The following DGKD variants were observed in gnomAD, a reference collection of about 807,000 sequenced individuals.
DGKD encodes diacylglycerol kinase delta, also known as DAG kinase delta.
Under a neutral mutation model 154.4 loss-of-function variants are expected in DGKD, and 68 were observed. That is an observed-to-expected ratio of 0.44 (90% CI 0.36 to 0.54). The LOEUF (loss-of-function observed/expected upper bound fraction) is 0.54, where lower values mean the gene tolerates loss of function less well. DGKD is among the 20% of genes least tolerant of loss of function. DGKD has a pLI of 0.00. For synonymous variants in DGKD, 693 were observed against 638.0 expected, an observed-to-expected ratio of 1.09 and a Z score of -1.30; for missense variants, 1,343 against 1,593.6, an observed-to-expected ratio of 0.84 and a Z score of 2.68.
intron 27 of DGKD, among the ~76,000 whole-genome samples, chr2:233,466,853 G>A (rs1254896502): frequency 6.6e-6 from 1 of 152,232 alleles, no homozygotes; most frequent in East Asian, 1.9e-4. Flanking sequence ...GAAGGAAGTA[G>A]AATATGATAA....
chr2:233,370,577 T>TGTTTTTG (rs1559476896), intron 1 of DGKD, among the ~76,000 whole-genome samples: 2 of 146,004 alleles, frequency 1.4e-5, no homozygotes, highest in African/African-American at 5.5e-5. Context: ...CTTCTTTTTT[T>TGTTTTTG]TTTTTTTTTT....
At chr2:233,430,011 C>A (rs1030377801) in intron 3 of DGKD, among the ~76,000 whole-genome samples, 3 of 152,170 alleles carry the variant, frequency 2.0e-5, no homozygotes, top group African/African-American at 7.2e-5. Context: ...TTGGGTATTC[C>A]TAAATTGGGT....
intron 3 of DGKD, among the ~76,000 whole-genome samples, chr2:233,394,095 G>A (rs547856959): frequency 1.3e-4 from 20 of 152,242 alleles, no homozygotes; most frequent in Non-Finnish European, 2.6e-4. Context: ...TCTCTTTCAG[G>A]CCAGTTACGT....
At chr2:233,424,546 T>C (rs887565887) in intron 3 of DGKD, among the ~76,000 whole-genome samples, 26 of 152,232 alleles carry the variant, frequency 1.7e-4, no homozygotes, top group Non-Finnish European at 2.6e-4. Context: ...ACACCGCTTG[T>C]ACTGAGTGAG....
chr2:233,376,942 C>T (rs1444460381), intron 1 of DGKD, among the ~76,000 whole-genome samples: 1 of 151,952 alleles, frequency 6.6e-6, no homozygotes, highest in African/African-American at 2.4e-5. Context: ...TAGAGGTAAC[C>T]ACTTAACCAT....
At chr2:233,398,434 C>T (rs1012707077) in intron 3 of DGKD, among the ~76,000 whole-genome samples, 47 of 152,188 alleles carry the variant, frequency 3.1e-4, no homozygotes, top group Non-Finnish European at 3.8e-4. Flanking sequence ...TGTGAGCCAC[C>T]GCGCCCGGCC....
At chr2:233,378,972 G>C (rs907151620) in intron 1 of DGKD, among the ~76,000 whole-genome samples, 1 of 152,204 alleles carries the variant, frequency 6.6e-6, no homozygotes, top group Non-Finnish European at 1.5e-5. Flanking sequence ...TCAAGGCTGC[G>C]GTGAGCTGTG....
chr2:233,429,885 G>C (rs551166066), intron 3 of DGKD, among the ~76,000 whole-genome samples: 1 of 152,368 alleles, frequency 6.6e-6, no homozygotes, highest in South Asian at 2.1e-4. Context: ...GAACCATGCA[G>C]TGGCGACCCA....
Position 233,458,364 on chromosome 2 carries a change from A to C in DGKD, c.2661A>C (p.Arg887=), listed in dbSNP as rs768808960. The C allele has an allele frequency of 6.2e-7, 1 of 1,611,504 alleles. No individual in the cohort carries two copies. Among genetic ancestry groups the C allele is most frequent in the East Asian group, 2.2e-5 (1 of 44,876 alleles). The stretch of plus-strand genomic sequence containing the variant: ...GCAGCATGCAGATGGCCGTCTCTCG[A>C]GTCATCAGGCTACAGCATCATCGGA... ...VFGSMQMAVS[R]VIRLQHHRIA... is the part of the protein sequence containing the mutation. The change falls in exon 22 of 30, where the codon CGA becomes CGC. Residue 887 remains arginine, a synonymous_variant. Coordinates refer to ENST00000264057, the MANE Select transcript of DGKD (RefSeq NM_152879.3). This position sits in a 1 kb window ranked among gnomAD's most constrained non-coding sequence, Gnocchi z 6.6.
rs767771309 is a variant in DGKD, at chr2:233,438,274, A to T, written c.980A>T (p.Asn327Ile). The T allele has an allele frequency of 1.2e-6, 2 of 1,614,104 alleles. No individual in the cohort carries two copies. The highest frequency in any genetic ancestry group is 1.7e-6 in the Non-Finnish European group (2 of 1,180,052). ...SCTSPLLVFV[N>I]SKSGDNQGVK... is the part of the protein sequence containing the mutation. ...ACAAGCCCACTGTTGGTCTTCGTCAATTCAAAAAGTGGGGACAACCAGGGT... is the reference window on the plus strand; with the variant it reads ...ACAAGCCCACTGTTGGTCTTCGTCATTTCAAAAAGTGGGGACAACCAGGGT... The change falls in exon 9 of 30, where the codon AAT (asparagine) becomes ATT (isoleucine). Residue 327 changes from asparagine (N) to isoleucine (I), a missense_variant. By Grantham distance (149) the Asn-to-Ile change is moderately radical. Transcript: ENST00000264057. This position sits in a 1 kb window ranked among gnomAD's most constrained non-coding sequence, Gnocchi z 4.1.
intron 3 of DGKD, among the ~76,000 whole-genome samples, chr2:233,406,162 T>C (rs1254244529): frequency 6.6e-6 from 1 of 152,190 alleles, no homozygotes; most frequent in East Asian, 1.9e-4. Flanking sequence ...TCTTCCTTCT[T>C]CTGTGTCTTC....
In DGKD at chr2:233,458,529, A is replaced by G; in HGVS notation, c.2694+132A>G. On this transcript the variant is annotated intron_variant, in intron 22 of 29. Coordinates refer to ENST00000264057, the MANE Select transcript of DGKD (RefSeq NM_152879.3). The surrounding 1 kb of genome is among the most constrained non-coding windows in gnomAD (Gnocchi z 6.6). Reference sequence around the variant, plus strand: ...GTGGCTGCCTCATGTCCTGTCCTGGACAGCTCGTGGCCCCACTTCCTGGGC... The same window carrying G: ...GTGGCTGCCTCATGTCCTGTCCTGGGCAGCTCGTGGCCCCACTTCCTGGGC... 2 of 578,784 alleles carry G rather than the reference A, an allele frequency of 3.5e-6. No individual in the cohort carries two copies. Among genetic ancestry groups the G allele is most frequent in the Admixed American group, 2.8e-5 (1 of 36,062 alleles). 35.9% of individuals were successfully genotyped at this position (578,784 alleles called of 1,614,324 possible).
At chr2:233,462,559 C>T (rs561175874) in intron 25 of DGKD, 84 bp from the exon 26 acceptor site, 133 of 1,527,642 alleles carry the variant, frequency 8.7e-5, no homozygotes, top group Admixed American at 4.2e-4. Context: ...GGTGCATGTT[C>T]GGCCCTCCCA....
chr2:233,447,105 C>T (rs1057499759), intron 12 of DGKD, among the ~76,000 whole-genome samples: 2 of 152,180 alleles, frequency 1.3e-5, no homozygotes, highest in African/African-American at 4.8e-5. Flanking sequence ...CGCAGTGAGC[C>T]CCAAACGGTG....
rs1345766722 is a variant in DGKD at position 233,452,983 on chromosome 2, C to G, written c.2264+923C>G. On this transcript the variant is annotated intron_variant, in intron 18 of 29. Transcript: ENST00000264057. The surrounding 1 kb of genome is among the most constrained non-coding windows in gnomAD (Gnocchi z 4.0). ...GTGTCCCTGTTCCTGGCCTGGTCTA[C>G]TCCTCCCCTGGGGCTGCGTGGGGCT... 6.6e-6 allele frequency among the ~76,000 whole-genome samples: 1 copy of G among 152,318 alleles called. No homozygotes were observed. The highest frequency in any genetic ancestry group is 1.9e-4 in the East Asian group (1 of 5,190).
chr2:233,464,263 G>A lies in DGKD; in HGVS notation c.3286G>A (p.Ala1096Thr), dbSNP rs751257815. The A allele has an allele frequency of 3.7e-6, 6 of 1,613,476 alleles. No homozygotes were observed. Among genetic ancestry groups the A allele is most frequent in the East Asian group, 4.5e-5 (2 of 44,880 alleles). The change falls in exon 27 of 30, where the codon GCA becomes ACA. Residue 1096 changes from alanine (A) to threonine (T), a missense_variant. Physicochemically the swap from Ala to Thr is moderately conservative, Grantham distance 58. Coordinates refer to ENST00000264057, the MANE Select transcript of DGKD (RefSeq NM_152879.3). ...LADTPWLCQSAEPGDEESVML... is the reference protein window; with the variant it reads ...LADTPWLCQSTEPGDEESVML... Reference sequence around the variant, plus strand: ...AGACACCCCGTGGCTCTGCCAGTCCGCAGAGCCCGGCGACGAAGAGGTATG... The same window carrying A: ...AGACACCCCGTGGCTCTGCCAGTCCACAGAGCCCGGCGACGAAGAGGTATG...
Position 233,399,080 on chromosome 2 carries a change from C to T in DGKD, c.348+8597C>T, listed in dbSNP as rs180688963. The stretch of plus-strand genomic sequence containing the variant: ...TTGATGAAGGATTAATTTTTATTGC[C>T]TCATTTAGTTTTTGAAATTTCAAAA... On this transcript the variant is annotated intron_variant, in intron 3 of 29. Coordinates refer to ENST00000264057, the MANE Select transcript of DGKD (RefSeq NM_152879.3). Among the ~76,000 whole-genome samples, 49 of 152,212 alleles carry T rather than the reference C, an allele frequency of 3.2e-4. 1 individual carries two copies. The highest frequency in any genetic ancestry group is 4.6e-4 in the Admixed American group (7 of 15,278).
chr2:233,446,129 C>T (rs1380989314), intron 11 of DGKD, among the ~76,000 whole-genome samples: 1 of 152,232 alleles, frequency 6.6e-6, no homozygotes, highest in Non-Finnish European at 1.5e-5. Context: ...TTCTCATATT[C>T]TGTTCCCAGA....
intron 24 of DGKD, among the ~76,000 whole-genome samples, chr2:233,461,452 C>T (rs1051101170): frequency 2.0e-5 from 3 of 152,246 alleles, no homozygotes; most frequent in Non-Finnish European, 2.9e-5. Context: ...CGGCGTTCCT[C>T]GCTCTGCACT....
Sources: allele counts gnomAD v4.1 joint callset (sites outside exome capture counted in the v4.1 genomes callset), GRCh38; gene constraint gnomAD v4.1.1; non-coding constraint Gnocchi (gnomAD v3.1); transcripts MANE v1.5; gene names NCBI Gene and HGNC (gene_info 2026-07-23, HGNC 2026-07-21).